The following BACH2 variants were observed in gnomAD, a reference collection of about 807,000 sequenced individuals.
The protein encoded by BACH2 is transcription regulator protein BACH2.
A neutral mutation model predicts 61.8 loss-of-function variants in BACH2; 5 were observed. The ratio of observed to expected loss-of-function variants is 0.08; its 90% CI spans 0.04 to 0.17. BACH2 has a LOEUF of 0.17. Among genes scored for constraint, BACH2 ranks in the 10% least tolerant of loss-of-function variants. BACH2 has a pLI of 1.00. For missense variants in BACH2, 824 were observed against 1,091.1 expected (o/e 0.76, Z 3.45); for synonymous variants, 446 against 440.1 (o/e 1.01, Z -0.17).
chr6:89,995,443 T>C (rs1469942371), intron 6 of BACH2, among the ~76,000 whole-genome samples: 1 of 152,160 alleles, frequency 6.6e-6, no homozygotes, highest in Non-Finnish European at 1.5e-5. Context: ...ATTTCATGAA[T>C]ATTTGGATCA....
chr6:90,120,350 T>C (rs1458114213), intron 4 of BACH2, among the ~76,000 whole-genome samples: 2 of 152,208 alleles, frequency 1.3e-5, no homozygotes, highest in East Asian at 1.9e-4. Context: ...CCAAACTCTG[T>C]GGGCATTTAA....
At chr6:90,065,259 T>A in intron 5 of BACH2, among the ~76,000 whole-genome samples, 2 of 131,334 alleles carry the variant, frequency 1.5e-5, no homozygotes, top group Non-Finnish European at 1.6e-5. Context: ...CCCCACCCCC[T>A]GCCGCCCCCA....
Position 90,142,088 on chromosome 6 carries a change from A to T in BACH2, c.-161-52979T>A, listed in dbSNP as rs555450756. ...AGAACTAGACTCTGTCTCAAAAAAA[A>T]TTTTTTTTTAATTCAAATGTTTCAC... On this transcript the variant is annotated intron_variant, in intron 4 of 8. Coordinates refer to ENST00000257749, the MANE Select transcript of BACH2 (RefSeq NM_021813.4). Among the ~76,000 whole-genome samples, 51 of 152,040 alleles carry T rather than the reference A, an allele frequency of 3.4e-4. No individual in the cohort carries two copies. In the South Asian group the frequency reaches 4.2e-3, roughly 12 times the overall value.
At chr6:90,128,275 A>AATTTGTTTGG (rs1783942096) in intron 4 of BACH2, among the ~76,000 whole-genome samples, 1 of 152,030 alleles carries the variant, frequency 6.6e-6, no homozygotes, top group South Asian at 2.1e-4. Flanking sequence ...CCTCAGTTTT[A>AATTTGTTTGG]ATTTGTTTGG....
At chr6:90,075,094 A>G (rs1046364354) in intron 5 of BACH2, among the ~76,000 whole-genome samples, 2 of 152,208 alleles carry the variant, frequency 1.3e-5, no homozygotes, top group Non-Finnish European at 2.9e-5. Context: ...TCACAGGTGT[A>G]ATGTTGTGGC....
intron 2 of BACH2, among the ~76,000 whole-genome samples, chr6:90,267,613 TA>T (rs1451546276): frequency 6.6e-6 from 1 of 152,140 alleles, no homozygotes; most frequent in African/African-American, 2.4e-5. Flanking sequence ...TTAGGAATGG[TA>T]AAAACCTAGA....
chr6:90,121,200 A>G (rs1783609903), intron 4 of BACH2, among the ~76,000 whole-genome samples: 1 of 152,242 alleles, frequency 6.6e-6, no homozygotes, highest in African/African-American at 2.4e-5. Flanking sequence ...CCACATCAAA[A>G]GATTGGCAAA....
chr6:90,205,042 G>C (rs1189740659), intron 4 of BACH2, among the ~76,000 whole-genome samples: 1 of 152,038 alleles, frequency 6.6e-6, no homozygotes, highest in Non-Finnish European at 1.5e-5. Context: ...AGGGAAAGAG[G>C]GTAAGTGCAC....
At chr6:89,947,082 T>C (rs770721757) in intron 7 of BACH2, among the ~76,000 whole-genome samples, 2 of 152,130 alleles carry the variant, frequency 1.3e-5, no homozygotes, top group Non-Finnish European at 2.9e-5. Flanking sequence ...ACGCGAAGTA[T>C]TACACTGGCG....
intron 5 of BACH2, among the ~76,000 whole-genome samples, chr6:90,065,270 C>CTTTTTT (rs71027920): frequency 0.012 from 644 of 52,658 alleles, 89 homozygotes; most frequent in Admixed American, 0.06. Flanking sequence ...GCCGCCCCCA[C>CTTTTTT]TTTTTTTTTT....
chr6:90,065,270 C>CTTTTTTTTTTTTTT lies in BACH2; in HGVS notation c.-13+23677_-13+23690dup, dbSNP rs71027920. Among the ~76,000 whole-genome samples, 39 of 52,666 alleles carry CTTTTTTTTTTTTTT rather than the reference C, an allele frequency of 7.4e-4. 3 individuals are homozygous for CTTTTTTTTTTTTTT. The highest frequency in any genetic ancestry group is 1.1e-3 in the Admixed American group (3 of 2,722). The allele number at this position is 52,666 out of a possible 152,430, so 34.6% of individuals were successfully genotyped here. A position where few individuals can be genotyped will look rare whatever the true frequency, so the allele number is the denominator to read the frequency against. On this transcript the variant is annotated intron_variant, in intron 5 of 8. Transcript: ENST00000257749. ...GCCACCCCACCCCCTGCCGCCCCCA[C>CTTTTTTTTTTTTTT]TTTTTTTTTTTTTTTTTTTTTTTTT...
intron 6 of BACH2, among the ~76,000 whole-genome samples, chr6:90,001,977 C>G (rs901887231): frequency 6.6e-6 from 1 of 152,234 alleles, no homozygotes; most frequent in Non-Finnish European, 1.5e-5. Flanking sequence ...CTTATTCTCT[C>G]TAGAACACAA....
intron 1 of BACH2, among the ~76,000 whole-genome samples, chr6:90,284,431 G>A (rs1244041124): frequency 6.6e-6 from 1 of 152,154 alleles, no homozygotes; most frequent in Non-Finnish European, 1.5e-5. Context: ...ACAGGGTTAT[G>A]GGGCTACTTA....
At chr6:90,289,498 T>C (rs1009245810) in intron 1 of BACH2, among the ~76,000 whole-genome samples, 1 of 152,198 alleles carries the variant, frequency 6.6e-6, no homozygotes, top group Non-Finnish European at 1.5e-5. Context: ...ATAGATGCTG[T>C]CAAAATTCCT....
At chr6:90,248,485 A>G (rs1393545569) in intron 3 of BACH2, among the ~76,000 whole-genome samples, 1 of 152,224 alleles carries the variant, frequency 6.6e-6, no homozygotes, top group Admixed American at 6.5e-5. Context: ...TAAAATTCTA[A>G]TAAGGGCTGG....
intron 6 of BACH2, among the ~76,000 whole-genome samples, chr6:89,996,704 G>C (rs913725744): frequency 5.9e-5 from 9 of 152,090 alleles, no homozygotes; most frequent in African/African-American, 2.2e-4. Context: ...CTTCATGAAA[G>C]AGATGGAAGA....
chr6:90,184,645 C>T (rs539034039), intron 4 of BACH2, among the ~76,000 whole-genome samples: 1 of 152,328 alleles, frequency 6.6e-6, no homozygotes, highest in African/African-American at 2.4e-5. Flanking sequence ...GGCAACTCTT[C>T]CTAATACAAG....
At chr6:89,987,655 C>T (rs934482828) in intron 6 of BACH2, among the ~76,000 whole-genome samples, 3 of 152,032 alleles carry the variant, frequency 2.0e-5, no homozygotes, top group Non-Finnish European at 4.4e-5. Context: ...CTAGTAGTCA[C>T]GGTTGTATAA....
intron 4 of BACH2, among the ~76,000 whole-genome samples, chr6:90,111,204 A>G (rs1349297213): frequency 6.6e-6 from 1 of 152,186 alleles, no homozygotes; most frequent in Non-Finnish European, 1.5e-5. Context: ...CCAGGAACCC[A>G]CAGACCACAC....
Sources: allele counts gnomAD v4.1 joint callset (sites outside exome capture counted in the v4.1 genomes callset), GRCh38; gene constraint gnomAD v4.1.1; transcripts MANE v1.5; gene names NCBI Gene and HGNC (gene_info 2026-07-23, HGNC 2026-07-21).